ATP8B4: variants seen among roughly 807,000 people sequenced by gnomAD.
The protein encoded by ATP8B4 is ATPase phospholipid transporting 8B4 (putative), also known as probable phospholipid-transporting ATPase IM.
In ATP8B4, 133 loss-of-function variants were observed where a neutral mutation model predicts 145.6. That is an observed-to-expected ratio of 0.91 (90% CI 0.79 to 1.05). The LOEUF (loss-of-function observed/expected upper bound fraction) is 1.05, where lower values mean the gene tolerates loss of function less well. Ranked by LOEUF, ATP8B4 falls within the 50% of genes least tolerant of loss-of-function variation. ATP8B4 has a pLI of 0.00. For missense variants in ATP8B4, 1,458 were observed against 1,425.2 expected (o/e 1.02, Z -0.37); for synonymous variants, 507 against 492.9 (o/e 1.03, Z -0.38).
At chr15:50,038,941 C>G in intron 5 of ATP8B4, 112 bp from the exon 6 acceptor site, 2 of 888,038 alleles carry the variant, frequency 2.3e-6, no homozygotes, top group Non-Finnish European at 3.6e-6. Context: ...TGTCACTGGT[C>G]TAAGATGACA....
chr15:49,901,342 T>C, intron 20 of ATP8B4, 103 bp from the exon 21 acceptor site: 1 of 1,232,616 alleles, frequency 8.1e-7, no homozygotes. Flanking sequence ...TCACCACTAT[T>C]CAGAGAGAAT....
intron 8 of ATP8B4, among the ~76,000 whole-genome samples, chr15:49,998,828 G>C (rs1469971234): frequency 6.6e-6 from 1 of 152,186 alleles, no homozygotes; most frequent in African/African-American, 2.4e-5. Flanking sequence ...CCTATGTCCT[G>C]AATGGTAATG....
intron 3 of ATP8B4, among the ~76,000 whole-genome samples, chr15:50,060,798 G>C (rs1489148993): frequency 6.6e-6 from 1 of 152,108 alleles, no homozygotes; most frequent in Non-Finnish European, 1.5e-5. Context: ...GGTGGGGCCC[G>C]AGAGTCTGCA....
chr15:50,107,390 A>G (rs1489806194), intron 1 of ATP8B4, among the ~76,000 whole-genome samples: 1 of 152,246 alleles, frequency 6.6e-6, no homozygotes, highest in Non-Finnish European at 1.5e-5. Flanking sequence ...CCACAACTGA[A>G]CTTCGAGAGC....
intron 17 of ATP8B4, among the ~76,000 whole-genome samples, chr15:49,921,873 G>A (rs907483523): frequency 2.0e-5 from 3 of 152,166 alleles, no homozygotes; most frequent in Non-Finnish European, 2.9e-5. Flanking sequence ...GATCCCCTAC[G>A]GATCTGAAAA....
At chr15:50,098,787 T>C (rs922809098) in intron 2 of ATP8B4, among the ~76,000 whole-genome samples, 4 of 152,134 alleles carry the variant, frequency 2.6e-5, no homozygotes, top group African/African-American at 9.7e-5. Context: ...GGCTGACTTA[T>C]CCATGAGGCA....
intron 27 of ATP8B4, 82 bp from the exon 28 acceptor site, chr15:49,860,557 CT>C (rs368198421): frequency 9.8e-3 from 11,843 of 1,206,478 alleles, no homozygotes; most frequent in South Asian, 0.017. Flanking sequence ...AAGTGAAAGC[CT>C]TTTTTTTTTA....
intron 2 of ATP8B4, among the ~76,000 whole-genome samples, chr15:50,101,678 G>A (rs2056361543): frequency 6.6e-6 from 1 of 152,046 alleles, no homozygotes; most frequent in African/African-American, 2.4e-5. Flanking sequence ...GCACTAGACG[G>A]GTCATCAAGA....
At chr15:49,954,665 CA>C (rs1431826494) in intron 14 of ATP8B4, among the ~76,000 whole-genome samples, 1 of 151,874 alleles carries the variant, frequency 6.6e-6, no homozygotes, top group Non-Finnish European at 1.5e-5. Context: ...GTTAAAAAAT[CA>C]AAAAACAACA....
chr15:49,997,489 TTCTA>T (rs1301201332), intron 8 of ATP8B4, among the ~76,000 whole-genome samples: 3 of 152,096 alleles, frequency 2.0e-5, no homozygotes, highest in African/African-American at 7.2e-5. Flanking sequence ...GCTATCAGAG[TTCTA>T]TCTTTTATGG....
At chr15:50,055,494 A>T (rs2052530101) in intron 3 of ATP8B4, among the ~76,000 whole-genome samples, 1 of 152,174 alleles carries the variant, frequency 6.6e-6, no homozygotes, top group Non-Finnish European at 1.5e-5. Flanking sequence ...ACGTCTATGA[A>T]TCCCACAAGC....
chr15:49,929,891 C>A (rs1170077364), intron 16 of ATP8B4, among the ~76,000 whole-genome samples: 1 of 152,040 alleles, frequency 6.6e-6, no homozygotes, highest in African/African-American at 2.4e-5. Flanking sequence ...TCTGAGAAAG[C>A]ATTTCTTCTT....
At chr15:50,000,865 T>C (rs1300208565) in intron 8 of ATP8B4, among the ~76,000 whole-genome samples, 3 of 152,280 alleles carry the variant, frequency 2.0e-5, no homozygotes, top group Non-Finnish European at 4.4e-5. Context: ...GTAATACTTA[T>C]AGAGCTATTC....
intron 14 of ATP8B4, among the ~76,000 whole-genome samples, chr15:49,955,309 C>G (rs945994419): frequency 6.6e-6 from 1 of 152,102 alleles, no homozygotes; most frequent in African/African-American, 2.4e-5. Context: ...TGCACATGTA[C>G]CCCGATTCTA....
intron 3 of ATP8B4, among the ~76,000 whole-genome samples, chr15:50,063,409 T>C (rs1157961496): frequency 6.6e-6 from 1 of 152,034 alleles, no homozygotes; most frequent in Non-Finnish European, 1.5e-5. Flanking sequence ...TCTGATTTCA[T>C]TGGCCCATTT....
Position 49,897,337 on chromosome 15 carries a change from T to C in ATP8B4, c.2652A>G (p.Thr884=). The change falls in exon 23 of 28, where the codon ACA becomes ACG. Residue 884 remains threonine, a synonymous_variant. Transcript: ENST00000284509. The stretch of plus-strand genomic sequence containing the variant: ...AGAAACCAAACCAGAAATGCACAAG[T>C]GTAAATGCAAAATTCTTATAGAAGA... The part of the protein sequence containing the change: ...CYFFYKNFAF[T]LVHFWFGFFC... The C allele has an allele frequency of 1.2e-6, 2 of 1,613,408 alleles. No homozygotes were observed. The highest frequency in any genetic ancestry group is 1.7e-4 in the Middle Eastern group (1 of 6,052).
At chr15:49,959,061 A>G (rs935415759) in intron 14 of ATP8B4, among the ~76,000 whole-genome samples, 5 of 152,010 alleles carry the variant, frequency 3.3e-5, no homozygotes, top group African/African-American at 9.6e-5. Flanking sequence ...ATCAATGTGC[A>G]TATCTAAATA....
At chr15:50,065,816 C>T (rs1169797771) in intron 3 of ATP8B4, among the ~76,000 whole-genome samples, 5 of 151,958 alleles carry the variant, frequency 3.3e-5, no homozygotes, top group African/African-American at 9.7e-5. Flanking sequence ...TAAGCCAAAT[C>T]TGTTTTTTTA....
In ATP8B4 at chr15:49,897,336, G is replaced by A. The variant is rs775290209; in HGVS notation, c.2653C>T (p.Leu885Phe). Residue 885 changes from leucine to phenylalanine, a missense_variant, in exon 23 of 28, where the codon CTT becomes TTT. Coordinates refer to ENST00000284509, the MANE Select transcript of ATP8B4 (RefSeq NM_024837.4). The part of the protein sequence containing the change: ...YFFYKNFAFT[L>F]VHFWFGFFCG... The stretch of plus-strand genomic sequence containing the variant: ...AAGAAACCAAACCAGAAATGCACAA[G>A]TGTAAATGCAAAATTCTTATAGAAG... The A allele has an allele frequency of 6.2e-7, 1 of 1,613,482 alleles. No homozygotes were observed. Among genetic ancestry groups the A allele is most frequent in the Admixed American group, 1.7e-5 (1 of 59,900 alleles).
Sources: gnomAD v4.1 joint callset for allele counts (sites outside exome capture counted in the v4.1 genomes callset) on GRCh38, gnomAD v4.1.1 for gene constraint, MANE v1.5 for transcripts, NCBI Gene and HGNC (gene_info 2026-07-23, HGNC 2026-07-21) for gene names.